PRLR: variants seen among roughly 807,000 people sequenced by gnomAD.
The protein encoded by PRLR is prolactin receptor.
Under a neutral mutation model 40.2 loss-of-function variants are expected in PRLR, and 13 were observed. The ratio of observed to expected loss-of-function variants is 0.32; its 90% CI spans 0.21 to 0.51. The LOEUF (loss-of-function observed/expected upper bound fraction) is 0.51. Among genes scored for constraint, PRLR ranks in the 20% least tolerant of loss-of-function variants. The pLI, the probability that PRLR is intolerant of heterozygous loss-of-function variation, is 0.97. For synonymous variants in PRLR, 269 were observed against 278.7 expected (o/e 0.97, Z 0.35); for missense variants, 656 against 747.3 (o/e 0.88, Z 1.42).
At chr5:35,095,813 T>A (rs1029521025) in intron 2 of PRLR, among the ~76,000 whole-genome samples, 1 of 152,248 alleles carries the variant, frequency 6.6e-6, no homozygotes, top group African/African-American at 2.4e-5. Flanking sequence ...GAACTTTCCA[T>A]AGTGAATTAC....
chr5:35,205,205 GA>G (rs1775983148), intron 1 of PRLR, among the ~76,000 whole-genome samples: 1 of 152,020 alleles, frequency 6.6e-6, no homozygotes, highest in Non-Finnish European at 1.5e-5. Context: ...GACTTATGAA[GA>G]TGCTAGATTT....
At chr5:35,087,467 G>A (rs1770932099) in intron 3 of PRLR, among the ~76,000 whole-genome samples, 1 of 145,222 alleles carries the variant, frequency 6.9e-6, no homozygotes, top group Non-Finnish European at 1.5e-5. Context: ...TGGTGAGGTT[G>A]CAAAGGGCTT....
intron 1 of PRLR, among the ~76,000 whole-genome samples, chr5:35,195,925 T>A (rs1775722260): frequency 6.6e-6 from 1 of 152,140 alleles, no homozygotes; most frequent in Non-Finnish European, 1.5e-5. Flanking sequence ...AGGGCCTCAG[T>A]CTTTAACAGG....
intron 2 of PRLR, among the ~76,000 whole-genome samples, chr5:35,108,037 G>T (rs1772387311): frequency 6.6e-6 from 1 of 152,060 alleles, no homozygotes; most frequent in South Asian, 2.1e-4. Flanking sequence ...CAATCAAGTT[G>T]GCTTCATCCC....
chr5:35,132,978 G>T (rs185643987), intron 1 of PRLR, among the ~76,000 whole-genome samples: 9 of 152,312 alleles, frequency 5.9e-5, no homozygotes, highest in Non-Finnish European at 2.9e-5. Flanking sequence ...ATGTGGGTGG[G>T]CTTTATCTAA....
chr5:35,148,610 C>G (rs185835035), intron 1 of PRLR, among the ~76,000 whole-genome samples: 1 of 152,104 alleles, frequency 6.6e-6, no homozygotes, highest in Non-Finnish European at 1.5e-5. Flanking sequence ...AGAATAACAG[C>G]GTTTACCTGA....
At chr5:35,226,607 G>A (rs1024174938) in intron 1 of PRLR, among the ~76,000 whole-genome samples, 1 of 152,184 alleles carries the variant, frequency 6.6e-6, no homozygotes, top group Non-Finnish European at 1.5e-5. Context: ...TGCTAAGGTA[G>A]CCCTTTCCCT....
At chr5:35,066,639 C>T (rs2112375737) in intron 9 of PRLR, among the ~76,000 whole-genome samples, 1 of 151,964 alleles carries the variant, frequency 6.6e-6, no homozygotes, top group Non-Finnish European at 1.5e-5. Flanking sequence ...CTTCCTCTCC[C>T]TCCTTCTCTT....
chr5:35,111,856 C>T (rs570762298), intron 2 of PRLR, among the ~76,000 whole-genome samples: 1 of 152,252 alleles, frequency 6.6e-6, no homozygotes, highest in East Asian at 1.9e-4. Flanking sequence ...GTAGTTGTTT[C>T]TGGGAGGATG....
Position 35,065,906 on chromosome 5 carries a change from C to T in PRLR, c.1052G>A (p.Arg351Gln), listed in dbSNP as rs143989943. 5.5e-5 allele frequency: 89 copies of T among 1,614,120 alleles called. No individual in the cohort carries two copies. Among genetic ancestry groups the T allele is most frequent in the African/African-American group, 3.2e-4 (24 of 75,034 alleles). ...AAGGGAAGGGCTGTCACAGCTCCCC[C>T]GGCCTGAGTCAGTGTCAGGATCCAG... ...TYLDPDTDSG[R>Q]GSCDSPSLLS... is the part of the protein sequence containing the mutation. Residue 351 changes from arginine (R) to glutamine (Q), a missense_variant, in exon 10 of 10, where the codon CGG becomes CAG. Physicochemically the swap from Arg to Gln is conservative, Grantham distance 43. This residue lies in a region of PRLR where 469 missense variants were observed against 491.5 expected (regional missense o/e 0.95). Transcript: ENST00000618457.
At chr5:35,177,878 C>T (rs942825097) in intron 1 of PRLR, among the ~76,000 whole-genome samples, 7 of 152,128 alleles carry the variant, frequency 4.6e-5, no homozygotes, top group African/African-American at 1.7e-4. Context: ...TTTTGAGGAA[C>T]TGCCAGAATG....
chr5:35,101,616 C>T (rs1473957063), intron 2 of PRLR, among the ~76,000 whole-genome samples: 1 of 151,890 alleles, frequency 6.6e-6, no homozygotes, highest in East Asian at 1.9e-4. Flanking sequence ...CATAAATGCA[C>T]ACAATTAAAA....
At position 35,064,798 on chromosome 5, in the gene PRLR, A is replaced by G. The variant is rs1345117141; in HGVS notation, c.*291T>C. The G allele has an allele frequency of 3.0e-6, 1 of 331,158 alleles. No individual in the cohort carries two copies. The highest frequency in any genetic ancestry group is 5.5e-6 in the Non-Finnish European group (1 of 182,362). The allele number at this position is 331,158 out of a possible 1,614,324, so 20.5% of individuals were successfully genotyped here. ...CATGAAAGCCTTTTCCAGAGGATAT[A>G]CCTATTGGCATTGTCCCTCAAGAAT... On this transcript the variant is annotated 3_prime_UTR_variant, in exon 10 of 10. Coordinates refer to ENST00000618457, the MANE Select transcript of PRLR (RefSeq NM_000949.7).
chr5:35,228,769 G>A (rs80252306), intron 1 of PRLR, among the ~76,000 whole-genome samples: 1 of 152,180 alleles, frequency 6.6e-6, no homozygotes, highest in South Asian at 2.1e-4. Flanking sequence ...GTCTCCTTCA[G>A]CAGCGTGGCT....
intron 2 of PRLR, among the ~76,000 whole-genome samples, chr5:35,116,554 A>C (rs1773034699): frequency 6.6e-6 from 1 of 152,180 alleles, no homozygotes; most frequent in Non-Finnish European, 1.5e-5. Flanking sequence ...GACCTCTTCA[A>C]ACTCTTAAAG....
chr5:35,180,148 C>G (rs1390793503), intron 1 of PRLR, among the ~76,000 whole-genome samples: 1 of 152,164 alleles, frequency 6.6e-6, no homozygotes, highest in Admixed American at 6.5e-5. Flanking sequence ...CTATGAGAAT[C>G]TAATGCTGCT....
chr5:35,154,778 G>A (rs1315700054), intron 1 of PRLR, among the ~76,000 whole-genome samples: 1 of 152,058 alleles, frequency 6.6e-6, no homozygotes, highest in Admixed American at 6.6e-5. Flanking sequence ...AGAAAATGTG[G>A]TACGTATACA....
At chr5:35,181,141 C>T (rs1184229804) in intron 1 of PRLR, among the ~76,000 whole-genome samples, 1 of 152,176 alleles carries the variant, frequency 6.6e-6, no homozygotes, top group East Asian at 1.9e-4. Context: ...TCATAGCTTC[C>T]TGGTATGTAT....
chr5:35,170,278 G>C (rs1018317474), intron 1 of PRLR, among the ~76,000 whole-genome samples: 3 of 152,136 alleles, frequency 2.0e-5, no homozygotes, highest in Non-Finnish European at 4.4e-5. Context: ...TATAATTCAA[G>C]CATCATTAGA....
Sources: gnomAD v4.1 joint callset for allele counts (sites outside exome capture counted in the v4.1 genomes callset) on GRCh38, gnomAD v4.1.1 for gene constraint, gnomAD v4.1.1 regional missense constraint, MANE v1.5 for transcripts, NCBI Gene and HGNC (gene_info 2026-07-23, HGNC 2026-07-21) for gene names.